The following PTPRM variants were observed in gnomAD, a reference collection of about 807,000 sequenced individuals.
PTPRM encodes protein tyrosine phosphatase receptor type M, also known as receptor-type tyrosine-protein phosphatase mu.
PTPRM carries 47 observed loss-of-function variants against 186.7 expected under a neutral mutation model. The ratio of observed to expected loss-of-function variants is 0.25; its 90% CI spans 0.20 to 0.32. PTPRM has a LOEUF of 0.32. PTPRM is among the 10% of genes least tolerant of loss of function. The probability of loss-of-function intolerance (pLI) is 1.00; values close to 1 mark genes in which losing one functional copy is unlikely to be tolerated. For synonymous variants in PTPRM, 668 were observed against 674.9 expected, an observed-to-expected ratio of 0.99 and a Z score of 0.16; for missense variants, 1,494 against 1,865.0, an observed-to-expected ratio of 0.80 and a Z score of 3.66.
At chr18:7,891,087 G>C (rs1468501419) in intron 3 of PTPRM, among the ~76,000 whole-genome samples, 1 of 150,662 alleles carries the variant, frequency 6.6e-6, no homozygotes, top group Admixed American at 6.6e-5. Flanking sequence ...GACCAGCCTG[G>C]GCAACATGGC....
At chr18:8,258,377 A>C (rs546750297) in intron 19 of PTPRM, among the ~76,000 whole-genome samples, 11 of 152,214 alleles carry the variant, frequency 7.2e-5, no homozygotes, top group Admixed American at 6.5e-4. Flanking sequence ...CTAGAGTTGA[A>C]CAGGGACATT....
At chr18:8,170,611 C>G (rs1417651712) in intron 14 of PTPRM, among the ~76,000 whole-genome samples, 1 of 151,682 alleles carries the variant, frequency 6.6e-6, no homozygotes, top group Non-Finnish European at 1.5e-5. Flanking sequence ...TCTGTGTATT[C>G]TTACAAATAA....
chr18:7,631,312 T>G (rs1213510591), intron 1 of PTPRM, among the ~76,000 whole-genome samples: 1 of 152,176 alleles, frequency 6.6e-6, no homozygotes, highest in East Asian at 1.9e-4. Context: ...TCTTTTTTGT[T>G]TTTACCCATC....
chr18:8,253,872 T>C (rs1179026903), intron 19 of PTPRM, among the ~76,000 whole-genome samples: 1 of 152,180 alleles, frequency 6.6e-6, no homozygotes. Flanking sequence ...AAATACACAA[T>C]GAAAACAAAT....
intron 20 of PTPRM, among the ~76,000 whole-genome samples, chr18:8,302,931 ACATG>A (rs1305331418): frequency 6.6e-6 from 1 of 152,134 alleles, no homozygotes; most frequent in Non-Finnish European, 1.5e-5. Context: ...TGCTTTTGAA[ACATG>A]CAAATGCGAT....
chr18:8,401,938 G>A lies in PTPRM; in HGVS notation c.4345-4171G>A, dbSNP rs182691527. On this transcript the variant is annotated intron_variant, in intron 32 of 32. Transcript: ENST00000580170. ...GTTACGGTCTGACCCAAGGATGTGAGGAGGACCGGGCCAGGCTCCCACCTG... is the reference window on the plus strand; with the variant it reads ...GTTACGGTCTGACCCAAGGATGTGAAGAGGACCGGGCCAGGCTCCCACCTG... Among the ~76,000 whole-genome samples the A allele has an allele frequency of 2.6e-5, 4 of 152,346 alleles. No individual in the cohort carries two copies. The East Asian group carries it at 7.7e-4, about 29-fold the overall frequency.
intron 14 of PTPRM, among the ~76,000 whole-genome samples, chr18:8,157,240 A>G (rs577952825): frequency 7.2e-5 from 11 of 152,360 alleles, no homozygotes; most frequent in African/African-American, 2.6e-4. Flanking sequence ...TATGACAAGA[A>G]AACAAGTTGA....
At chr18:7,783,779 T>C (rs960457843) in intron 2 of PTPRM, among the ~76,000 whole-genome samples, 3 of 151,718 alleles carry the variant, frequency 2.0e-5, no homozygotes, top group Non-Finnish European at 4.4e-5. Context: ...TGTGTATGTG[T>C]GTGTGTGTGT....
chr18:8,390,262 C>T (rs567164654), intron 31 of PTPRM, among the ~76,000 whole-genome samples: 1 of 152,324 alleles, frequency 6.6e-6, no homozygotes, highest in South Asian at 2.1e-4. Context: ...TCCCTCACTC[C>T]ATGTACAGAA....
intron 2 of PTPRM, among the ~76,000 whole-genome samples, chr18:7,873,155 A>C (rs2048060948): frequency 6.6e-6 from 1 of 152,204 alleles, no homozygotes; most frequent in Non-Finnish European, 1.5e-5. Context: ...CTGTCATCAT[A>C]AGCATAGTGA....
intron 7 of PTPRM, among the ~76,000 whole-genome samples, chr18:8,021,548 T>C (rs2085238355): frequency 6.6e-6 from 1 of 152,010 alleles, no homozygotes; most frequent in Non-Finnish European, 1.5e-5. Context: ...GGCCCTGGTG[T>C]GTGTTGTTCC....
chr18:7,870,069 TA>T (rs2047910232), intron 2 of PTPRM, among the ~76,000 whole-genome samples: 1 of 152,212 alleles, frequency 6.6e-6, no homozygotes, highest in South Asian at 2.1e-4. Flanking sequence ...GAAGTCGGTT[TA>T]GAGAGCTGAA....
intron 5 of PTPRM, among the ~76,000 whole-genome samples, chr18:7,933,243 G>A (rs2051595082): frequency 6.6e-6 from 1 of 152,176 alleles, no homozygotes; most frequent in African/African-American, 2.4e-5. Context: ...CATAAAGTGT[G>A]CTTCCTTCAA....
intron 1 of PTPRM, among the ~76,000 whole-genome samples, chr18:7,675,818 T>A (rs540370669): frequency 9.2e-5 from 14 of 151,542 alleles, no homozygotes; most frequent in Admixed American, 7.9e-4. Context: ...CACTGCAACC[T>A]CTGCCTCCCG....
At chr18:7,991,552 C>T (rs558104465) in intron 7 of PTPRM, among the ~76,000 whole-genome samples, 1 of 152,234 alleles carries the variant, frequency 6.6e-6, no homozygotes, top group Non-Finnish European at 1.5e-5. Context: ...GGTCTAATTT[C>T]ATTAACATTC....
chr18:8,270,937 G>C (rs374969737), intron 19 of PTPRM, among the ~76,000 whole-genome samples: 2 of 152,034 alleles, frequency 1.3e-5, no homozygotes, highest in Non-Finnish European at 2.9e-5. Flanking sequence ...GTACAGCATG[G>C]TGACTGTAGT....
At chr18:7,754,644 A>G (rs1439980275) in intron 1 of PTPRM, 1 of 152,258 alleles carries the variant, frequency 6.6e-6, no homozygotes, top group East Asian at 1.9e-4. Flanking sequence ...ACTCCCTGTC[A>G]TAGCATCCTT....
chr18:8,030,224 A>T (rs2085874374), intron 7 of PTPRM, among the ~76,000 whole-genome samples: 1 of 152,228 alleles, frequency 6.6e-6, no homozygotes. Flanking sequence ...ACCATAAAAG[A>T]AGACACTTTT....
intron 22 of PTPRM, among the ~76,000 whole-genome samples, chr18:8,337,521 C>T (rs958631753): frequency 6.6e-6 from 1 of 152,188 alleles, no homozygotes; most frequent in African/African-American, 2.4e-5. Flanking sequence ...GCAGGGGTGG[C>T]CACTCATACC....
Sources: allele counts gnomAD v4.1 joint callset (sites outside exome capture counted in the v4.1 genomes callset), GRCh38; gene constraint gnomAD v4.1.1; transcripts MANE v1.5; gene names NCBI Gene and HGNC (gene_info 2026-07-23, HGNC 2026-07-21).